SMPD3: variants seen among roughly 807,000 people sequenced by gnomAD.
SMPD3 encodes the protein sphingomyelin phosphodiesterase 3, also known as nSMase-2.
A neutral mutation model predicts 55.7 loss-of-function variants in SMPD3; 21 were observed. That is an observed-to-expected ratio of 0.38 (90% CI 0.27 to 0.54). The LOEUF (loss-of-function observed/expected upper bound fraction) is 0.54. Ranked by LOEUF, SMPD3 falls within the 20% of genes least tolerant of loss-of-function variation. The pLI is 0.80. For synonymous variants in SMPD3, 457 were observed against 404.3 expected (o/e 1.13, Z -1.56); for missense variants, 842 against 899.6 (o/e 0.94, Z 0.82).
intron 1 of SMPD3, among the ~76,000 whole-genome samples, chr16:68,397,501 G>A (rs1026075715): frequency 3.9e-5 from 6 of 152,252 alleles, no homozygotes; most frequent in African/African-American, 7.2e-5. Context: ...TCAGCCTTGC[G>A]CCCTCCATTT....
At chr16:68,426,486 C>A (rs752967612) in intron 1 of SMPD3, among the ~76,000 whole-genome samples, 1 of 152,196 alleles carries the variant, frequency 6.6e-6, no homozygotes, top group Non-Finnish European at 1.5e-5. Context: ...GACCTAGTAG[C>A]TTGTCCCTAC....
chr16:68,448,106 TG>T (rs151328876), intron 1 of SMPD3, among the ~76,000 whole-genome samples: 1,764 of 152,160 alleles, frequency 0.012, 47 homozygotes, highest in African/African-American at 0.041. Context: ...CCAGGAGAGA[TG>T]GGGGGTGGGG....
chr16:68,372,482 C>T (rs1302241515), intron 2 of SMPD3, 95 bp from the exon 3 acceptor site: 4 of 468,264 alleles, frequency 8.5e-6, no homozygotes, highest in African/African-American at 3.9e-5. Flanking sequence ...ACTCCTGCTT[C>T]CCCTGGTGTG....
chr16:68,366,816 T>C (rs1010720102), intron 3 of SMPD3, among the ~76,000 whole-genome samples: 4 of 152,172 alleles, frequency 2.6e-5, no homozygotes, highest in African/African-American at 9.7e-5. Flanking sequence ...GAGACCAGCC[T>C]GACCAACATG....
chr16:68,396,018 C>T (rs750869842), intron 1 of SMPD3, among the ~76,000 whole-genome samples: 7 of 152,112 alleles, frequency 4.6e-5, no homozygotes, highest in African/African-American at 1.2e-4. Context: ...CCAGCCTCAG[C>T]GGGTGTAGCC....
At chr16:68,417,166 C>G (rs985235674) in intron 1 of SMPD3, among the ~76,000 whole-genome samples, 3 of 152,122 alleles carry the variant, frequency 2.0e-5, no homozygotes, top group Non-Finnish European at 2.9e-5. Context: ...AAGGCCAGGT[C>G]CCTTGGCCCC....
chr16:68,382,706 T>C (rs2089974971), intron 2 of SMPD3, among the ~76,000 whole-genome samples: 1 of 152,126 alleles, frequency 6.6e-6, no homozygotes, highest in East Asian at 1.9e-4. Context: ...TTGAGGACCA[T>C]AATGACTACC....
At chr16:68,366,932 T>G (rs1004438556) in intron 3 of SMPD3, among the ~76,000 whole-genome samples, 4 of 151,682 alleles carry the variant, frequency 2.6e-5, no homozygotes, top group African/African-American at 9.7e-5. Flanking sequence ...CGCTTGAACC[T>G]TGGAGGCGGA....
At chr16:68,382,127 G>A (rs2089963048) in intron 2 of SMPD3, 1 of 152,260 alleles carries the variant, frequency 6.6e-6, no homozygotes, top group African/African-American at 2.4e-5. Flanking sequence ...TTTCTGCTCA[G>A]AGAAGCGGTT....
At chr16:68,365,546 G>T (rs560762834) in intron 3 of SMPD3, among the ~76,000 whole-genome samples, 1 of 152,102 alleles carries the variant, frequency 6.6e-6, no homozygotes, top group Non-Finnish European at 1.5e-5. Flanking sequence ...GTGCCATGGC[G>T]TGGCCTCAGA....
intron 2 of SMPD3, among the ~76,000 whole-genome samples, chr16:68,374,362 C>T (rs971251590): frequency 2.0e-5 from 3 of 152,242 alleles, no homozygotes; most frequent in Admixed American, 6.5e-5. Flanking sequence ...TAAGCAGCTT[C>T]ACAAGGCTGT....
chr16:68,375,956 C>T (rs1483180525), intron 2 of SMPD3, among the ~76,000 whole-genome samples: 2 of 152,226 alleles, frequency 1.3e-5, no homozygotes. Flanking sequence ...AGCTTCCCAG[C>T]TGCTGCCCCC....
At chr16:68,445,684 C>A (rs569190334) in intron 1 of SMPD3, among the ~76,000 whole-genome samples, 37 of 152,328 alleles carry the variant, frequency 2.4e-4, no homozygotes, top group African/African-American at 8.7e-4. Flanking sequence ...CTTGTGGGAA[C>A]TGGATCAGGC....
chr16:68,414,996 C>A (rs540060083), intron 1 of SMPD3, among the ~76,000 whole-genome samples: 1 of 152,018 alleles, frequency 6.6e-6, no homozygotes, highest in Non-Finnish European at 1.5e-5. Flanking sequence ...TCATCTGAGA[C>A]GGAATGGGTG....
At chr16:68,442,738 C>T (rs1316413778) in intron 1 of SMPD3, among the ~76,000 whole-genome samples, 1 of 152,194 alleles carries the variant, frequency 6.6e-6, no homozygotes, top group Non-Finnish European at 1.5e-5. Flanking sequence ...CAAATGGCCT[C>T]CTTCTTATTA....
chr16:68,413,782 G>C (rs955569624), intron 1 of SMPD3, among the ~76,000 whole-genome samples: 1 of 152,162 alleles, frequency 6.6e-6, no homozygotes, highest in African/African-American at 2.4e-5. Flanking sequence ...ATTTTAATGG[G>C]TAGAGCATGG....
Position 68,371,307 on chromosome 16 carries a change from A to G in SMPD3, c.875T>C (p.Leu292Pro). The G allele has an allele frequency of 6.2e-7, 1 of 1,600,030 alleles. No homozygotes were observed. The highest frequency in any genetic ancestry group is 8.5e-7 in the Non-Finnish European group (1 of 1,178,904). ...CTCCCGGGAGGCCGAGGGGCTGCCC[A>G]GGCTCCCTGAATCCCCGTCCTGCTG... is the stretch of plus-strand genomic sequence containing the variant. ...HNQQDGDSGSLGSPSASRESL... is the reference protein window; with the variant it reads ...HNQQDGDSGSPGSPSASRESL... Residue 292 changes from leucine to proline, a missense_variant, in exon 3 of 9, where the codon CTG (leucine) becomes CCG (proline). By Grantham distance (98) the Leu-to-Pro change is moderately conservative (BLOSUM62 -3). This residue lies in a region of SMPD3 where 649 missense variants were observed against 643.6 expected (regional missense o/e 1.01). Coordinates refer to ENST00000219334, the MANE Select transcript of SMPD3 (RefSeq NM_018667.4).
At chr16:68,379,917 G>T (rs372595108) in intron 2 of SMPD3, among the ~76,000 whole-genome samples, 67 of 152,366 alleles carry the variant, frequency 4.4e-4, no homozygotes, top group Middle Eastern at 6.8e-3. Flanking sequence ...CAGGTGAGTG[G>T]TGCACGTCCT....
At chr16:68,406,535 C>T (rs1401632756) in intron 1 of SMPD3, among the ~76,000 whole-genome samples, 1 of 152,154 alleles carries the variant, frequency 6.6e-6, no homozygotes, top group Admixed American at 6.5e-5. Context: ...GCCTGTCGCC[C>T]TCGGTAGCGG....
Sources: gnomAD v4.1 joint callset for allele counts (sites outside exome capture counted in the v4.1 genomes callset) on GRCh38, gnomAD v4.1.1 for gene constraint, gnomAD v4.1.1 regional missense constraint, MANE v1.5 for transcripts, NCBI Gene and HGNC (gene_info 2026-07-23, HGNC 2026-07-21) for gene names.